The following CPNE8 variants were observed in gnomAD, a reference collection of about 807,000 sequenced individuals.
The protein encoded by CPNE8 is copine-8.
CPNE8 carries 45 observed loss-of-function variants against 81.5 expected under a neutral mutation model. The ratio of observed to expected loss-of-function variants is 0.55; its 90% CI spans 0.44 to 0.71. The LOEUF is 0.71. Among genes scored for constraint, CPNE8 ranks in the 30% least tolerant of loss-of-function variants. The probability of loss-of-function intolerance (pLI) is 0.00; values close to 1 mark genes in which losing one functional copy is unlikely to be tolerated. For missense variants in CPNE8, 594 were observed against 672.1 expected (o/e 0.88, Z 1.28); for synonymous variants, 252 against 226.3 (o/e 1.11, Z -1.02).
At chr12:38,756,265 A>C (rs2136836997) in intron 10 of CPNE8, among the ~76,000 whole-genome samples, 1 of 152,116 alleles carries the variant, frequency 6.6e-6, no homozygotes, top group South Asian at 2.1e-4. Context: ...GAAGTGCCCA[A>C]TCTGTGTGAA....
intron 1 of CPNE8, among the ~76,000 whole-genome samples, chr12:38,884,291 T>C (rs1198845030): frequency 6.6e-6 from 1 of 152,206 alleles, no homozygotes; most frequent in African/African-American, 2.4e-5. Context: ...CATGATCATA[T>C]ACAATATGTG....
chr12:38,731,486 A>C (rs1431496020), intron 10 of CPNE8, among the ~76,000 whole-genome samples: 1 of 151,882 alleles, frequency 6.6e-6, no homozygotes, highest in Non-Finnish European at 1.5e-5. Flanking sequence ...TTTGCAATAA[A>C]AAAATGTTTT....
chr12:38,762,075 G>C (rs760801887), intron 9 of CPNE8, 37 bp downstream of exon 9: 1 of 1,092,800 alleles, frequency 9.2e-7, no homozygotes, highest in Admixed American at 2.8e-5. Context: ...TTTTTTAAAA[G>C]TTATTTGAAG....
At chr12:38,752,913 A>T (rs1207938070) in intron 10 of CPNE8, among the ~76,000 whole-genome samples, 5 of 152,218 alleles carry the variant, frequency 3.3e-5, no homozygotes, top group Non-Finnish European at 7.3e-5. Flanking sequence ...CGGTATTTAG[A>T]TATGGAATAA....
At chr12:38,885,234 G>A (rs1266288699) in intron 1 of CPNE8, among the ~76,000 whole-genome samples, 1 of 151,966 alleles carries the variant, frequency 6.6e-6, no homozygotes, top group Non-Finnish European at 1.5e-5. Flanking sequence ...TCATATACAA[G>A]AATGTTAAGG....
At chr12:38,775,294 A>G (rs1941907723) in intron 7 of CPNE8, among the ~76,000 whole-genome samples, 1 of 152,182 alleles carries the variant, frequency 6.6e-6, no homozygotes, top group Non-Finnish European at 1.5e-5. Context: ...CCAGAAATGT[A>G]TTATGTAAAT....
intron 15 of CPNE8, among the ~76,000 whole-genome samples, chr12:38,685,950 G>T (rs1411019754): frequency 6.6e-6 from 1 of 152,086 alleles, no homozygotes; most frequent in Non-Finnish European, 1.5e-5. Flanking sequence ...TTGGGTACAT[G>T]TGGAGATAAA....
chr12:38,706,608 G>C (rs1940113465), intron 13 of CPNE8, among the ~76,000 whole-genome samples: 1 of 151,894 alleles, frequency 6.6e-6, no homozygotes, highest in Non-Finnish European at 1.5e-5. Context: ...ACCTCATTAG[G>C]AATAAAAAAT....
At chr12:38,682,974 T>C (rs1312422726) in intron 16 of CPNE8, among the ~76,000 whole-genome samples, 2 of 152,018 alleles carry the variant, frequency 1.3e-5, no homozygotes, top group African/African-American at 4.8e-5. Context: ...CAGAGAGCAC[T>C]GGAAAAGGAG....
intron 1 of CPNE8, among the ~76,000 whole-genome samples, chr12:38,880,679 T>A (rs1380516489): frequency 6.6e-6 from 1 of 152,210 alleles, no homozygotes; most frequent in Non-Finnish European, 1.5e-5. Flanking sequence ...AGAATTTTTT[T>A]TATGAAGACA....
intron 10 of CPNE8, among the ~76,000 whole-genome samples, chr12:38,749,648 G>T (rs987572790): frequency 2.0e-5 from 3 of 152,174 alleles, no homozygotes; most frequent in African/African-American, 7.2e-5. Flanking sequence ...GAGACTGGCG[G>T]CATTTTGCCC....
intron 1 of CPNE8, among the ~76,000 whole-genome samples, chr12:38,891,259 T>C (rs1259783194): frequency 2.6e-5 from 4 of 152,062 alleles, no homozygotes; most frequent in African/African-American, 7.2e-5. Flanking sequence ...TAGAATGTAC[T>C]GTGGCCACCT....
intron 3 of CPNE8, among the ~76,000 whole-genome samples, chr12:38,866,877 T>A (rs1405878877): frequency 2.0e-5 from 3 of 152,078 alleles, no homozygotes; most frequent in Non-Finnish European, 2.9e-5. Context: ...CATTTTTTTT[T>A]AAACAAAGTA....
At chr12:38,742,331 CG>C (rs971678431) in intron 10 of CPNE8, among the ~76,000 whole-genome samples, 1 of 151,968 alleles carries the variant, frequency 6.6e-6, no homozygotes, top group African/African-American at 2.4e-5. Context: ...ATATACACCA[CG>C]GAATACTATG....
chr12:38,663,679 T>C lies in CPNE8; in HGVS notation c.1506+7050A>G, dbSNP rs73110570. 7.4e-3 allele frequency among the ~76,000 whole-genome samples: 1,125 copies of C among 152,252 alleles called. 11 individuals are homozygous for C. The highest frequency in any genetic ancestry group is 0.021 in the African/African-American group (863 of 41,562). On this transcript the variant is annotated intron_variant, in intron 19 of 19. Transcript: ENST00000331366. ...CAAATAAATAGCTGCATTGCCATGT[T>C]TATTGCAGCATTATTCACAATAGCC...
intron 6 of CPNE8, among the ~76,000 whole-genome samples, chr12:38,796,400 A>G: frequency 6.6e-6 from 1 of 152,346 alleles, no homozygotes; most frequent in East Asian, 1.9e-4. Context: ...ACAAGTCATA[A>G]AAGTAAAAAT....
intron 6 of CPNE8, among the ~76,000 whole-genome samples, chr12:38,787,710 T>C (rs1221168341): frequency 6.6e-6 from 1 of 151,326 alleles, no homozygotes; most frequent in Non-Finnish European, 1.5e-5. Context: ...GGCAGACTAA[T>C]AAATAAAAAG....
chr12:38,780,549 G>A (rs1942028536), intron 6 of CPNE8, among the ~76,000 whole-genome samples: 2 of 151,966 alleles, frequency 1.3e-5, no homozygotes, highest in East Asian at 3.9e-4. Context: ...GCACATGATA[G>A]GAGCATGGAA....
intron 8 of CPNE8, among the ~76,000 whole-genome samples, chr12:38,763,416 A>G (rs1189118499): frequency 6.6e-6 from 1 of 152,222 alleles, no homozygotes; most frequent in Non-Finnish European, 1.5e-5. Flanking sequence ...ATAGATTAGG[A>G]AAAAAGGAGT....
Sources: allele counts gnomAD v4.1 joint callset (sites outside exome capture counted in the v4.1 genomes callset), GRCh38; gene constraint gnomAD v4.1.1; transcripts MANE v1.5; gene names NCBI Gene and HGNC (gene_info 2026-07-23, HGNC 2026-07-21).